The following PCDHGA5 variants were observed in gnomAD, a reference collection of about 807,000 sequenced individuals.
PCDHGA5 encodes the protein protocadherin gamma-A5.
Under a neutral mutation model 56.7 loss-of-function variants are expected in PCDHGA5, and 36 were observed. The observed-to-expected ratio is 0.64, with a 90% CI of 0.49 to 0.84. PCDHGA5 has a LOEUF of 0.84. PCDHGA5 is among the 40% of genes least tolerant of loss of function. The probability of loss-of-function intolerance (pLI) is 0.00; values close to 1 mark genes in which losing one functional copy is unlikely to be tolerated. For missense variants in PCDHGA5, 1,305 were observed against 1,201.5 expected, an observed-to-expected ratio of 1.09 and a Z score of -1.27; for synonymous variants, 563 against 520.2, an observed-to-expected ratio of 1.08 and a Z score of -1.12.
chr5:141,432,746 G>T lies in PCDHGA5; in HGVS notation c.2422-62061G>T, dbSNP rs772043134. The T allele has an allele frequency of 6.2e-7, 1 of 1,614,098 alleles. No individual in the cohort carries two copies. Among genetic ancestry groups the T allele is most frequent in the Non-Finnish European group, 8.5e-7 (1 of 1,179,992 alleles). Reference sequence around the variant, plus strand: ...CTCCGCCACTGTCACGCTCACCGTGGCCGTGGCCGACAGCATCCCCCAAGT... The same window carrying T: ...CTCCGCCACTGTCACGCTCACCGTGTCCGTGGCCGACAGCATCCCCCAAGT... On this transcript the variant is annotated intron_variant, in intron 1 of 3. Transcript: ENST00000518069. This position sits in a 1 kb window ranked among gnomAD's most constrained non-coding sequence, Gnocchi z 6.0.
chr5:141,418,236 T>C, intron 1 of PCDHGA5: 8 of 1,614,030 alleles, frequency 5.0e-6, no homozygotes, highest in Non-Finnish European at 6.8e-6. Flanking sequence ...ATTGAGGATG[T>C]TAATGACCAC....
chr5:141,372,042 G>T (rs373749332), intron 1 of PCDHGA5: 26 of 1,613,362 alleles, frequency 1.6e-5, no homozygotes, highest in African/African-American at 2.7e-5. Flanking sequence ...GAGCCTGCGC[G>T]TGTTGGTGGA....
rs757468959 is a variant in PCDHGA5, at chr5:141,395,139, G to A, written c.2421+28388G>A. On this transcript the variant is annotated intron_variant, in intron 1 of 3. Coordinates refer to ENST00000518069, the MANE Select transcript of PCDHGA5 (RefSeq NM_018918.3). ...CCTGATCTTTCCCCAGCCCAACTAC[G>A]CAGACATGCTCATCAGTCAGGAGGG... 10 of 1,614,026 alleles carry A rather than the reference G, an allele frequency of 6.2e-6. No homozygotes were observed. In the East Asian group the frequency reaches 1.3e-4, roughly 22 times the overall value.
At chr5:141,460,616 TAGAC>T (rs533223594) in intron 1 of PCDHGA5, among the ~76,000 whole-genome samples, 44 of 152,232 alleles carry the variant, frequency 2.9e-4, no homozygotes, top group Middle Eastern at 3.4e-3. Context: ...GATGGATAGA[TAGAC>T]AGATACAGAT....
intron 1 of PCDHGA5, among the ~76,000 whole-genome samples, chr5:141,454,617 G>T (rs2098794218): frequency 6.6e-6 from 1 of 151,322 alleles, no homozygotes; most frequent in Non-Finnish European, 1.5e-5. Context: ...TGTTGGTCAG[G>T]CTGGTCTCGA....
In PCDHGA5 at chr5:141,372,836, A is replaced by G. The variant is rs755204859; in HGVS notation, c.2421+6085A>G. 4 of 1,532,454 alleles carry G rather than the reference A, an allele frequency of 2.6e-6. No homozygotes were observed. In the East Asian group the frequency reaches 6.9e-5, roughly 27 times the overall value. The allele number at this position is 1,532,454 out of a possible 1,614,324, so 94.9% of individuals were successfully genotyped here. On this transcript the variant is annotated intron_variant, in intron 1 of 3. Coordinates refer to ENST00000518069, the MANE Select transcript of PCDHGA5 (RefSeq NM_018918.3). ...TGAGTTTCTTCAAACCTTTCCTTCC[A>G]TAAATATAATTGGGTTTCAATTCAT... is the stretch of plus-strand genomic sequence containing the variant.
In PCDHGA5 at chr5:141,418,416, C is replaced by G. The variant is rs377542164; in HGVS notation, c.2421+51665C>G. The G allele has an allele frequency of 2.9e-5, 46 of 1,613,866 alleles. No homozygotes were observed. Among genetic ancestry groups the G allele is most frequent in the Non-Finnish European group, 3.4e-5 (40 of 1,179,880 alleles). ...TTCTCATTGGTGGAGAAAGACAATC[C>G]TGATGGTGGCAAATATCCAGAATTA... On this transcript the variant is annotated intron_variant, in intron 1 of 3. Transcript: ENST00000518069.
At chr5:141,384,969 G>A (rs996601457) in intron 1 of PCDHGA5, 5 of 1,614,014 alleles carry the variant, frequency 3.1e-6, no homozygotes, top group African/African-American at 2.7e-5. Context: ...ATGACCTCAC[G>A]TTGTACCTGG....
At chr5:141,444,725 T>C (rs1178418239) in intron 1 of PCDHGA5, among the ~76,000 whole-genome samples, 1 of 152,370 alleles carries the variant, frequency 6.6e-6, no homozygotes, top group East Asian at 1.9e-4. Flanking sequence ...TTGGTGCCTT[T>C]GTTGAAAGTC....
At chr5:141,443,029 C>T (rs1281303741) in intron 1 of PCDHGA5, among the ~76,000 whole-genome samples, 3 of 152,192 alleles carry the variant, frequency 2.0e-5, no homozygotes, top group Non-Finnish European at 2.9e-5. Flanking sequence ...AGTTGCCAGA[C>T]CTAAACTTTG....
intron 3 of PCDHGA5, among the ~76,000 whole-genome samples, chr5:141,506,485 A>C (rs2154593953): frequency 6.6e-6 from 1 of 150,572 alleles, no homozygotes; most frequent in East Asian, 2.0e-4. Flanking sequence ...CTTTAGAGGC[A>C]GGCCAATCTG....
intron 2 of PCDHGA5, among the ~76,000 whole-genome samples, chr5:141,499,689 CTTTTT>C (rs545067566): frequency 3.3e-5 from 4 of 119,852 alleles, no homozygotes; most frequent in Non-Finnish European, 3.5e-5. Flanking sequence ...TAACAGATGA[CTTTTT>C]TTTTTTTTTT....
intron 1 of PCDHGA5, chr5:141,371,291 G>C: frequency 6.2e-7 from 1 of 1,613,976 alleles, no homozygotes; most frequent in Non-Finnish European, 8.5e-7. Context: ...GTAAAACGGG[G>C]GAACTCACCA....
intron 1 of PCDHGA5, chr5:141,422,102 T>A: frequency 6.2e-7 from 1 of 1,609,526 alleles, no homozygotes; most frequent in Non-Finnish European, 8.5e-7. Context: ...GCTTCTGAAA[T>A]ATTCCAATTG....
chr5:141,459,595 T>C (rs904266180), intron 1 of PCDHGA5, among the ~76,000 whole-genome samples: 10 of 152,232 alleles, frequency 6.6e-5, no homozygotes, highest in African/African-American at 9.6e-5. Context: ...TCATATGAAA[T>C]GGGAAGTATA....
intron 1 of PCDHGA5, chr5:141,403,028 G>A (rs1396801327): frequency 6.2e-7 from 1 of 1,614,074 alleles, no homozygotes; most frequent in Admixed American, 1.7e-5. Context: ...GCTATGGGAG[G>A]CCAGGGCCAG....
In PCDHGA5 at chr5:141,398,540, T is replaced by C. The variant is rs372892054; in HGVS notation, c.2421+31789T>C. On this transcript the variant is annotated intron_variant, in intron 1 of 3. Transcript: ENST00000518069. The stretch of plus-strand genomic sequence containing the variant: ...ACGCCAAAATTCACGCAAAATTCCT[T>C]TGAGCTGCAAATAAGTGAGTCTGCA... 12 of 1,613,764 alleles carry C rather than the reference T, an allele frequency of 7.4e-6. No homozygotes were observed. The African/African-American group carries it at 1.2e-4, about 16-fold the overall frequency.
chr5:141,476,587 G>A lies in PCDHGA5; in HGVS notation c.2422-18220G>A. ...CTCCGGGGACGCGCTTTCCGCTCGA[G>A]AGCGCGCACGATCCCGATGTGGGAA... On this transcript the variant is annotated intron_variant, in intron 1 of 3. Coordinates refer to ENST00000518069, the MANE Select transcript of PCDHGA5 (RefSeq NM_018918.3). The surrounding 1 kb of genome is among the most constrained non-coding windows in gnomAD (Gnocchi z 7.6). 6.2e-7 allele frequency: 1 copy of A among 1,614,234 alleles called. No homozygotes were observed. The highest frequency in any genetic ancestry group is 1.1e-5 in the South Asian group (1 of 91,086).
At chr5:141,384,442 T>G in intron 1 of PCDHGA5, 15 of 1,614,046 alleles carry the variant, frequency 9.3e-6, no homozygotes, top group Non-Finnish European at 1.3e-5. Context: ...TGGAGTCCTG[T>G]ACGCGCTGCA....
Sources: gnomAD v4.1 joint callset for allele counts (sites outside exome capture counted in the v4.1 genomes callset) on GRCh38, gnomAD v4.1.1 for gene constraint, Gnocchi (gnomAD v3.1) non-coding constraint, MANE v1.5 for transcripts, NCBI Gene and HGNC (gene_info 2026-07-23, HGNC 2026-07-21) for gene names.